Variants in WDR5 observed in about 807,000 individuals in gnomAD.
WDR5 encodes WD repeat-containing protein 5.
For synonymous variants in WDR5, 144 were observed against 161.6 expected (o/e 0.89, Z 0.83); for missense variants, 187 against 416.9 (o/e 0.45, Z 4.80).
At chr9:134,137,013 C>T (rs1399477477) in intron 1 of WDR5, among the ~76,000 whole-genome samples, 2 of 152,232 alleles carry the variant, frequency 1.3e-5, no homozygotes, top group Non-Finnish European at 2.9e-5. Flanking sequence ...CAGGTCCCCA[C>T]CTCTGTTGGG....
intron 1 of WDR5, among the ~76,000 whole-genome samples, chr9:134,138,381 A>G (rs1831693376): frequency 6.6e-6 from 1 of 152,224 alleles, no homozygotes; most frequent in Non-Finnish European, 1.5e-5. Context: ...TGGACTTTGC[A>G]GCTTTTTGCT....
intron 2 of WDR5, among the ~76,000 whole-genome samples, chr9:134,140,410 G>A (rs1270706570): frequency 6.6e-6 from 1 of 152,068 alleles, no homozygotes; most frequent in Non-Finnish European, 1.5e-5. Flanking sequence ...GATTGAGGTG[G>A]GGGGATGAGG....
At chr9:134,145,486 C>T (rs1588172839) in intron 7 of WDR5, among the ~76,000 whole-genome samples, 1 of 152,344 alleles carries the variant, frequency 6.6e-6, no homozygotes, top group East Asian at 1.9e-4. Flanking sequence ...CCAGTCGCCT[C>T]TCAGTGAGTG....
Position 134,144,911 on chromosome 9 carries a change from C to T in WDR5, c.528+2192C>T, listed in dbSNP as rs74893405. Among the ~76,000 whole-genome samples the T allele has an allele frequency of 8.7e-3, 1,319 of 152,120 alleles. 16 individuals are homozygous for T. Among genetic ancestry groups the T allele is most frequent in the African/African-American group, 0.03 (1,244 of 41,496 alleles). On this transcript the variant is annotated intron_variant, in intron 7 of 13. Transcript: ENST00000358625. The stretch of plus-strand genomic sequence containing the variant: ...CTGAGCCACCCCTGGGGTCAGCTGC[C>T]AGGAGGTGGAGTCGGTCCCTCTGTG...
At chr9:134,154,967 G>C (rs1005256604) in intron 10 of WDR5, among the ~76,000 whole-genome samples, 2 of 152,192 alleles carry the variant, frequency 1.3e-5, no homozygotes, top group African/African-American at 4.8e-5. Flanking sequence ...CTGTGGGTCC[G>C]AGCCTGGGCC....
At chr9:134,145,096 GTTTTTTTTTTT>G (rs56864188) in intron 7 of WDR5, among the ~76,000 whole-genome samples, 2 of 104,664 alleles carry the variant, frequency 1.9e-5, no homozygotes, top group Non-Finnish European at 3.7e-5. Flanking sequence ...GTGGGGCTTT[GTTTTTTTTTTT>G]TTTTTTTTTG....
intron 5 of WDR5, 90 bp from the exon 6 acceptor site, chr9:134,142,243 C>T: frequency 4.2e-6 from 6 of 1,424,304 alleles, no homozygotes; most frequent in Non-Finnish European, 5.9e-6. Flanking sequence ...ATCAGGCATG[C>T]TTTGGGATGT....
rs757835521 is a variant in WDR5, at chr9:134,142,725, T to TCCCTCTGACACGGATGG, written c.528+7_528+23dup. The TCCCTCTGACACGGATGG allele has an allele frequency of 5.0e-6, 8 of 1,614,144 alleles. No individual in the cohort carries two copies. The Admixed American group carries it at 1.3e-4, about 27-fold the overall frequency. ...ACTCGGATCCAGTCTCGGCCGTAAG[T>TCCCTCTGACACGGATGG]CCCTCTGACACGGATGGGGTGGTGT... On this transcript the variant is annotated splice_region_variant and intron_variant, in intron 7 of 13. Transcript: ENST00000358625.
In WDR5 at chr9:134,155,329, C is replaced by T. The variant is rs974640958; in HGVS notation, c.708-11C>T. ...CAGACATGCCGCCTCACCCCTCTCT[C>T]TGTCTTGCAGCACTCTGAAGCTCTG... On this transcript the variant is annotated splice_polypyrimidine_tract_variant and intron_variant, in intron 10 of 13. Transcript: ENST00000358625. 2 of 1,596,264 alleles carry T rather than the reference C, an allele frequency of 1.3e-6. No homozygotes were observed. Among genetic ancestry groups the T allele is most frequent in the African/African-American group, 2.7e-5 (2 of 73,970 alleles).
At chr9:134,149,108 C>T (rs28597926) in intron 8 of WDR5, among the ~76,000 whole-genome samples, 20,055 of 152,132 alleles carry the variant, frequency 0.13, 1,498 homozygotes, top group South Asian at 0.22. Flanking sequence ...CACGCACACT[C>T]GAAATCTGTT....
At chr9:134,138,194 A>G (rs1168672011) in intron 1 of WDR5, among the ~76,000 whole-genome samples, 1 of 152,102 alleles carries the variant, frequency 6.6e-6, no homozygotes, top group African/African-American at 2.4e-5. Context: ...TCCTCCTCTG[A>G]GGGTGTTTCC....
chr9:134,156,076 C>T (rs1030497897), intron 12 of WDR5, among the ~76,000 whole-genome samples: 8 of 152,222 alleles, frequency 5.3e-5, no homozygotes, highest in East Asian at 1.9e-4. Context: ...TGGGTGGGTG[C>T]GCTGGCTCCG....
At chr9:134,148,435 C>A in intron 8 of WDR5, 92 bp downstream of exon 8, 1 of 1,137,048 alleles carries the variant, frequency 8.8e-7, no homozygotes, top group Non-Finnish European at 1.3e-6. Context: ...ACAGCAGTGA[C>A]AAAAGACCCA....
rs369803909 is a variant in WDR5 at position 134,139,936 on chromosome 9, C to G, written c.59C>G (p.Ser20Trp). The G allele has an allele frequency of 1.9e-6, 3 of 1,613,482 alleles. No individual in the cohort carries two copies. In the African/African-American group the frequency reaches 4.0e-5, roughly 22 times the overall value. ...GCCGCCAGAGCACAGCCAACCCCTT[C>G]GTCATCCGCCACTCAGAGCAAGGTG... Reference protein sequence around the residue: ...TEAARAQPTPSSSATQSKPTP... With the variant: ...TEAARAQPTPWSSATQSKPTP... The change falls in exon 2 of 14, where the codon TCG (serine) becomes TGG (tryptophan). Residue 20 changes from serine to tryptophan, a missense_variant. By Grantham distance (177) the Ser-to-Trp change is radical (BLOSUM62 -3). Coordinates refer to ENST00000358625, the MANE Select transcript of WDR5 (RefSeq NM_017588.3).
rs1832326551 is a variant in WDR5 at position 134,148,486 on chromosome 9, G to C, written c.584+143G>C. 3 of 712,952 alleles carry C rather than the reference G, an allele frequency of 4.2e-6. No homozygotes were observed. The Admixed American group carries it at 7.7e-5, about 18-fold the overall frequency. 44.2% of individuals were successfully genotyped at this position (712,952 alleles called of 1,614,324 possible). A position where few individuals can be genotyped will look rare whatever the true frequency, so the allele number is the denominator to read the frequency against. On this transcript the variant is annotated intron_variant, in intron 8 of 13. Coordinates refer to ENST00000358625, the MANE Select transcript of WDR5 (RefSeq NM_017588.3). ...AAGCTTCTCTTCTGGCCACGCTGCA[G>C]ACATGTTAGCAGATAGGCAGTGCAG...
At chr9:134,148,621 G>C (rs28626222) in intron 8 of WDR5, among the ~76,000 whole-genome samples, 1 of 152,052 alleles carries the variant, frequency 6.6e-6, no homozygotes, top group Non-Finnish European at 1.5e-5. Context: ...CCGTGTAGAC[G>C]CTGACGTGTG....
intron 1 of WDR5, among the ~76,000 whole-genome samples, chr9:134,138,972 A>G (rs768359845): frequency 5.3e-5 from 8 of 152,236 alleles, no homozygotes; most frequent in South Asian, 2.1e-4. Flanking sequence ...GATGTATTGA[A>G]GTAATGAATC....
Position 134,142,052 on chromosome 9 carries a change from A to G in WDR5, c.354+14A>G, listed in dbSNP as rs377140587. On this transcript the variant is annotated intron_variant, in intron 5 of 13. Coordinates refer to ENST00000358625, the MANE Select transcript of WDR5 (RefSeq NM_017588.3). ...GACGTGAGCTCGGTAAGTGACACTC[A>G]GTGCTTCTCTCCAGGGGAGACCGGC... 9.9e-6 allele frequency: 16 copies of G among 1,612,638 alleles called. No individual in the cohort carries two copies. The highest frequency in any genetic ancestry group is 2.2e-5 in the South Asian group (2 of 91,070).
chr9:134,137,410 C>T (rs554800125), intron 1 of WDR5, among the ~76,000 whole-genome samples: 2 of 152,124 alleles, frequency 1.3e-5, no homozygotes, highest in East Asian at 1.9e-4. Context: ...TGGCCCGGCG[C>T]GGTGGCTCAC....
Sources: allele counts gnomAD v4.1 joint callset (sites outside exome capture counted in the v4.1 genomes callset), GRCh38; gene constraint gnomAD v4.1.1; transcripts MANE v1.5; gene names NCBI Gene and HGNC (gene_info 2026-07-23, HGNC 2026-07-21).